Variants in SF3A3 observed in about 807,000 individuals in gnomAD.
SF3A3 encodes splicing factor 3a subunit 3.
In SF3A3, 9 loss-of-function variants were observed where a neutral mutation model predicts 85.8. That is an observed-to-expected ratio of 0.10 (90% CI 0.06 to 0.18). The LOEUF (loss-of-function observed/expected upper bound fraction) is 0.18. Ranked by LOEUF, SF3A3 falls within the 10% of genes least tolerant of loss-of-function variation. SF3A3 has a pLI of 1.00. For missense variants in SF3A3, 306 were observed against 593.3 expected, an observed-to-expected ratio of 0.52 and a Z score of 5.03; for synonymous variants, 195 against 204.4, an observed-to-expected ratio of 0.95 and a Z score of 0.39.
chr1:37,960,036 A>G, intron 16 of SF3A3, 84 bp downstream of exon 16: 1 of 1,005,664 alleles, frequency 9.9e-7, no homozygotes, highest in Non-Finnish European at 1.6e-6. Flanking sequence ...TACACCAGGG[A>G]CCATCTTTCA....
chr1:37,983,505 T>G (rs931231025), intron 6 of SF3A3, among the ~76,000 whole-genome samples: 5 of 135,124 alleles, frequency 3.7e-5, no homozygotes, highest in African/African-American at 1.4e-4. Flanking sequence ...ATCCATCACT[T>G]GAGTCCAAGA....
intron 15 of SF3A3, among the ~76,000 whole-genome samples, chr1:37,961,571 T>C (rs28439028): frequency 0.91 from 137,316 of 151,262 alleles, 62,463 homozygotes; most frequent in East Asian, 1. Context: ...GCAACAAGAG[T>C]GGAACTCCGT....
intron 12 of SF3A3, among the ~76,000 whole-genome samples, chr1:37,972,143 A>G (rs1646348871): frequency 6.6e-6 from 1 of 152,234 alleles, no homozygotes; most frequent in Non-Finnish European, 1.5e-5. Context: ...TAAGCTGATA[A>G]GCAACTTCAG....
At chr1:37,964,633 A>G (rs1646286283) in intron 15 of SF3A3, among the ~76,000 whole-genome samples, 1 of 152,070 alleles carries the variant, frequency 6.6e-6, no homozygotes, top group African/African-American at 2.4e-5. Context: ...AATTAAATGA[A>G]ATGAAATAAA....
At chr1:37,959,346 T>C (rs1646241367) in intron 16 of SF3A3, among the ~76,000 whole-genome samples, 1 of 152,184 alleles carries the variant, frequency 6.6e-6, no homozygotes, top group South Asian at 2.1e-4. Context: ...CCCAAAGTGC[T>C]GGGATTATGG....
At chr1:37,968,787 A>G (rs1646319559) in intron 14 of SF3A3, among the ~76,000 whole-genome samples, 1 of 152,170 alleles carries the variant, frequency 6.6e-6, no homozygotes, top group Non-Finnish European at 1.5e-5. Flanking sequence ...TAAATTTGTC[A>G]TCCTTGGTCT....
intron 15 of SF3A3, among the ~76,000 whole-genome samples, chr1:37,967,271 T>C (rs937325836): frequency 2.9e-4 from 41 of 139,020 alleles, no homozygotes; most frequent in Middle Eastern, 4.3e-3. Flanking sequence ...AGGCTGGGCA[T>C]GGTGGCTCAC....
chr1:37,968,252 A>C (rs1570458107), intron 14 of SF3A3, 118 bp from the exon 15 acceptor site: 1 of 694,188 alleles, frequency 1.4e-6, no homozygotes, highest in East Asian at 2.5e-5. Context: ...ACCTAAAGGT[A>C]GCATTCCTTT....
chr1:37,987,086 T>G (rs555684164), intron 4 of SF3A3, among the ~76,000 whole-genome samples: 1,711 of 152,162 alleles, frequency 0.011, 84 homozygotes, highest in Admixed American at 0.075. Context: ...GGCCTTGACT[T>G]CTTTTTTTTG....
At chr1:37,966,935 CAAAAAAAAAAA>C (rs11394683) in intron 15 of SF3A3, among the ~76,000 whole-genome samples, 1,550 of 14,198 alleles carry the variant, frequency 0.11, 26 homozygotes, top group Middle Eastern at 0.36. Flanking sequence ...AACTCCATCT[CAAAAAAAAAAA>C]AAAAAAAAAA....
rs182702407 is a variant in SF3A3, at chr1:37,978,722, C to G, written c.933G>C (p.Lys311Asn). ...GCAGTGCTACCCCAGCCACTCACCG[C>G]TTGGTGCCCTTTGACTTGGGATTTT... ...FAKNPKSKGT[K>N]RDTERNKDIA... The change falls in exon 11 of 17, where the codon AAG (lysine) becomes AAC (asparagine). Residue 311 changes from lysine (K) to asparagine (N), a missense_variant and splice_region_variant. Around this residue, in one of 4 missense-constraint regions of SF3A3, gnomAD observed 136 missense variants for 296.6 expected, o/e 0.46. Coordinates refer to ENST00000373019, the MANE Select transcript of SF3A3 (RefSeq NM_006802.4). 10 of 1,555,574 alleles carry G rather than the reference C, an allele frequency of 6.4e-6. No individual in the cohort carries two copies. In the Admixed American group the frequency reaches 1.7e-4, roughly 27 times the overall value.
intron 2 of SF3A3, 103 bp downstream of exon 2, chr1:37,989,445 G>A (rs1646479416): frequency 2.3e-6 from 3 of 1,278,252 alleles, no homozygotes; most frequent in Middle Eastern, 1.9e-4. Context: ...TGGCCAATCC[G>A]GTTACCTTTG....
At position 37,982,940 on chromosome 1, in the gene SF3A3, AT is replaced by A. The variant is rs561873267; in HGVS notation, c.469-1130del. 2.0e-4 allele frequency among the ~76,000 whole-genome samples: 31 copies of A among 151,280 alleles called. 1 individual carries two copies. The South Asian group carries it at 5.8e-3, about 29-fold the overall frequency. On this transcript the variant is annotated intron_variant, in intron 6 of 16. Coordinates refer to ENST00000373019, the MANE Select transcript of SF3A3 (RefSeq NM_006802.4). ...TGAAACCCTATTTCTACAAAAAAAA[AT>A]TTTTTTTTTTGAGTTTGAGTTTTGC... is the stretch of plus-strand genomic sequence containing the variant.
chr1:37,985,845 T>C (rs1196974206), intron 4 of SF3A3, among the ~76,000 whole-genome samples: 2 of 152,172 alleles, frequency 1.3e-5, no homozygotes, highest in Non-Finnish European at 2.9e-5. Flanking sequence ...CTCTATTTTT[T>C]GCTGTTTTTA....
intron 16 of SF3A3, among the ~76,000 whole-genome samples, chr1:37,959,329 T>C (rs548370323): frequency 1.3e-5 from 2 of 152,286 alleles, no homozygotes; most frequent in African/African-American, 4.8e-5. Context: ...TCTGCCTGCT[T>C]TGGCCTCCCA....
chr1:37,973,111 G>A (rs184480936), intron 12 of SF3A3, among the ~76,000 whole-genome samples: 6 of 152,190 alleles, frequency 3.9e-5, no homozygotes, highest in East Asian at 3.9e-4. Flanking sequence ...ACCAGGAGGT[G>A]GAGGTTGCAG....
chr1:37,963,373 A>C (rs539161589), intron 15 of SF3A3, among the ~76,000 whole-genome samples: 6 of 152,270 alleles, frequency 3.9e-5, no homozygotes, highest in Non-Finnish European at 8.8e-5. Context: ...AGGTAGAAAT[A>C]AAACTACAAA....
chr1:37,974,264 G>C (rs929241497), intron 12 of SF3A3, among the ~76,000 whole-genome samples: 5 of 149,400 alleles, frequency 3.3e-5, no homozygotes, highest in Non-Finnish European at 7.4e-5. Context: ...CCTTAACCAG[G>C]ACTTTCTTCT....
Position 37,957,343 on chromosome 1 carries a change from T to C in SF3A3, c.*843A>G, listed in dbSNP as rs1280793663. On this transcript the variant is annotated 3_prime_UTR_variant, in exon 17 of 17. Transcript: ENST00000373019. ...TGTCGGTCCTAGTTCCCTTGTTTGTTGGGCTGCAGGCCCATTCCAACACAG... is the reference window on the plus strand; with the variant it reads ...TGTCGGTCCTAGTTCCCTTGTTTGTCGGGCTGCAGGCCCATTCCAACACAG... 1.3e-5 allele frequency: 2 copies of C among 151,498 alleles called. No homozygotes were observed. The highest frequency in any genetic ancestry group is 3.9e-4 in the East Asian group (2 of 5,156). The allele number at this position is 151,498 out of a possible 1,614,324, so 9.4% of individuals were successfully genotyped here.
Sources: allele counts gnomAD v4.1 joint callset (sites outside exome capture counted in the v4.1 genomes callset), GRCh38; gene constraint gnomAD v4.1.1; regional missense constraint gnomAD v4.1.1; transcripts MANE v1.5; gene names NCBI Gene and HGNC (gene_info 2026-07-23, HGNC 2026-07-21).